Variants in DHRS3 observed in about 807,000 individuals in gnomAD.
The protein encoded by DHRS3 is dehydrogenase/reductase 3, also known as short-chain dehydrogenase/reductase 3.
DHRS3 carries 14 observed loss-of-function variants against 27.2 expected under a neutral mutation model. That is an observed-to-expected ratio of 0.52 (90% CI 0.34 to 0.81). DHRS3 has a LOEUF of 0.81. Ranked by LOEUF, DHRS3 falls within the 30% of genes least tolerant of loss-of-function variation. The pLI is 0.01. For synonymous variants in DHRS3, 165 were observed against 175.9 expected, an observed-to-expected ratio of 0.94 and a Z score of 0.49; for missense variants, 322 against 406.2, an observed-to-expected ratio of 0.79 and a Z score of 1.78.
chr1:12,588,380 T>C (rs1464795533), intron 1 of DHRS3, among the ~76,000 whole-genome samples: 1 of 152,226 alleles, frequency 6.6e-6, no homozygotes, highest in African/African-American at 2.4e-5. Flanking sequence ...GTTTACCTTC[T>C]GCATTTAATA....
In DHRS3 at chr1:12,578,633, G is replaced by A. The variant is rs1646612840; in HGVS notation, c.698+85C>T. 34 of 1,368,570 alleles carry A rather than the reference G, an allele frequency of 2.5e-5. No homozygotes were observed. Among genetic ancestry groups the A allele is most frequent in the Non-Finnish European group, 3.5e-5 (34 of 966,898 alleles). The allele number at this position is 1,368,570 out of a possible 1,614,324, so 84.8% of individuals were successfully genotyped here. On this transcript the variant is annotated intron_variant, in intron 4 of 5. Transcript: ENST00000616661. The surrounding 1 kb of genome is among the most constrained non-coding windows in gnomAD (Gnocchi z 4.5). Reference sequence around the variant, plus strand: ...CGTGCCTAGCCCGATTTTTATATCAGAGCTCTTTCTGCAGTTGGCTGACTG... The same window carrying A: ...CGTGCCTAGCCCGATTTTTATATCAAAGCTCTTTCTGCAGTTGGCTGACTG...
Position 12,588,680 on chromosome 1 carries a change from G to A in DHRS3, c.196-8014C>T, listed in dbSNP as rs186539490. Among the ~76,000 whole-genome samples, 668 of 152,342 alleles carry A rather than the reference G, an allele frequency of 4.4e-3. 4 individuals are homozygous for A. Among genetic ancestry groups the A allele is most frequent in the African/African-American group, 0.015 (636 of 41,580 alleles). On this transcript the variant is annotated intron_variant, in intron 1 of 5. Transcript: ENST00000616661. ...AAGACACCAGCCCCAGGAGGATACC[G>A]AGTGCCCCTTCTCTACCCAGCCTTG... is the stretch of plus-strand genomic sequence containing the variant.
intron 1 of DHRS3, chr1:12,616,574 T>C (rs1646945849): frequency 1.0e-6 from 1 of 986,294 alleles, no homozygotes; most frequent in South Asian, 4.7e-5. Context: ...GCCTCCTCTT[T>C]CCTGCTTTCC....
chr1:12,579,484 G>T, intron 2 of DHRS3, 72 bp from the exon 3 acceptor site: 2 of 1,559,490 alleles, frequency 1.3e-6, no homozygotes, highest in Middle Eastern at 3.5e-4. Flanking sequence ...TTTTTTGTTT[G>T]TTTGTTTTTG....
At chr1:12,579,078 G>C in intron 3 of DHRS3, 122 bp from the exon 4 acceptor site, 1 of 1,239,134 alleles carries the variant, frequency 8.1e-7, no homozygotes. Context: ...GCCTTCCTGC[G>C]AGGGAGAGGG....
chr1:12,580,006 C>T lies in DHRS3; in HGVS notation c.339+517G>A, dbSNP rs561690636. 3.6e-5 allele frequency: 7 copies of T among 193,474 alleles called. No individual in the cohort carries two copies. In the South Asian group the frequency reaches 6.1e-4, roughly 17 times the overall value. 12.0% of individuals were successfully genotyped at this position (193,474 alleles called of 1,614,324 possible). A position where few individuals can be genotyped will look rare whatever the true frequency, so the allele number is the denominator to read the frequency against. ...TGGGGAAGAGAACTGCGTCTCTGAG[C>T]GCCAGTCTTGATTTGTGAGATGGGG... is the stretch of plus-strand genomic sequence containing the variant. On this transcript the variant is annotated intron_variant, in intron 2 of 5. Transcript: ENST00000616661.
intron 5 of DHRS3, among the ~76,000 whole-genome samples, chr1:12,572,317 A>G (rs555948398): frequency 2.0e-5 from 3 of 152,252 alleles, no homozygotes; most frequent in East Asian, 1.9e-4. Flanking sequence ...ACAGGCGCCC[A>G]CCACCATGCC....
At chr1:12,569,309 TCAGAG>T in intron 5 of DHRS3, among the ~76,000 whole-genome samples, 1 of 150,214 alleles carries the variant, frequency 6.7e-6, no homozygotes, top group South Asian at 2.1e-4. Flanking sequence ...GAGTGAGTGG[TCAGAG>T]CAAACTTTTT....
intron 3 of DHRS3, 68 bp from the exon 4 acceptor site, chr1:12,579,024 G>A: frequency 6.9e-7 from 1 of 1,446,978 alleles, no homozygotes; most frequent in Non-Finnish European, 9.5e-7. Context: ...TTTCTTTCGG[G>A]GAGAACAGCC....
rs767274010 is a variant in DHRS3 at position 12,578,808 on chromosome 1, G to A, written c.608C>T (p.Thr203Ile). ...TCCCGGACAGTCCAGCAGCCCCAGG[G>A]TCAGGCTCTCCATGAAGGCGAAGGC... is the stretch of plus-strand genomic sequence containing the variant. Reference protein sequence around the residue: ...ASAFAFMESLTLGLLDCPGVS... With the variant: ...ASAFAFMESLILGLLDCPGVS... The change falls in exon 4 of 6, where the codon ACC becomes ATC. Residue 203 changes from threonine to isoleucine, a missense_variant. Transcript: ENST00000616661. This position sits in a 1 kb window ranked among gnomAD's most constrained non-coding sequence, Gnocchi z 4.5. The A allele has an allele frequency of 3.1e-6, 5 of 1,613,942 alleles. No individual in the cohort carries two copies. The African/African-American group carries it at 6.7e-5, about 22-fold the overall frequency.
Position 12,593,556 on chromosome 1 carries a change from A to G in DHRS3, c.196-12890T>C, listed in dbSNP as rs1646764040. Among the ~76,000 whole-genome samples the G allele has an allele frequency of 6.6e-6, 1 of 152,064 alleles. No homozygotes were observed. Among genetic ancestry groups the G allele is most frequent in the Non-Finnish European group, 1.5e-5 (1 of 68,018 alleles). ...CTCTTTACCCAAGAGGTCTTCATGT[A>G]AAATGCCCCAACCCCACAAACACCA... On this transcript the variant is annotated intron_variant, in intron 1 of 5. Coordinates refer to ENST00000616661, the MANE Select transcript of DHRS3 (RefSeq NM_004753.7). This position sits in a 1 kb window ranked among gnomAD's most constrained non-coding sequence, Gnocchi z 4.6.
At chr1:12,575,696 T>TATA (rs201741964) in intron 4 of DHRS3, among the ~76,000 whole-genome samples, 1 of 138,350 alleles carries the variant, frequency 7.2e-6, no homozygotes, top group African/African-American at 2.5e-5. Context: ...AAGGGGATAC[T>TATA]ATTATTATTA....
chr1:12,573,297 G>C (rs1376683444), intron 4 of DHRS3, among the ~76,000 whole-genome samples: 1 of 152,182 alleles, frequency 6.6e-6, no homozygotes, highest in African/African-American at 2.4e-5. Flanking sequence ...TCTCCTCCCA[G>C]CTCCTCCTTT....
chr1:12,606,130 C>CT (rs987432996), intron 1 of DHRS3, among the ~76,000 whole-genome samples: 1 of 98,634 alleles, frequency 1.0e-5, no homozygotes, highest in Non-Finnish European at 2.0e-5. Flanking sequence ...GAGTGAGACT[C>CT]TGTCTCAAAA....
chr1:12,602,536 C>T (rs1053179028), intron 1 of DHRS3, among the ~76,000 whole-genome samples: 1 of 152,196 alleles, frequency 6.6e-6, no homozygotes, highest in Non-Finnish European at 1.5e-5. Flanking sequence ...CCTTTTTTCT[C>T]TGATGTCCTG....
At chr1:12,581,295 C>T (rs1350115410) in intron 1 of DHRS3, among the ~76,000 whole-genome samples, 2 of 152,200 alleles carry the variant, frequency 1.3e-5, no homozygotes, top group African/African-American at 2.4e-5. Context: ...GTAGAGGCAA[C>T]AGCAGAGCTC....
At chr1:12,597,369 G>A (rs938601239) in intron 1 of DHRS3, among the ~76,000 whole-genome samples, 4 of 152,178 alleles carry the variant, frequency 2.6e-5, no homozygotes, top group Non-Finnish European at 5.9e-5. Context: ...GAGCCATGGC[G>A]CCCGGCCTGA....
intron 1 of DHRS3, among the ~76,000 whole-genome samples, chr1:12,589,938 C>T (rs987291997): frequency 6.6e-5 from 10 of 152,030 alleles, no homozygotes; most frequent in Admixed American, 5.2e-4. Context: ...AACAGTTGCC[C>T]GGAAGACCCC....
At chr1:12,589,332 T>C (rs547651702) in intron 1 of DHRS3, among the ~76,000 whole-genome samples, 22 of 152,256 alleles carry the variant, frequency 1.4e-4, no homozygotes, top group African/African-American at 4.8e-4. Flanking sequence ...ATTAACATGA[T>C]CTTAACCTCT....
Sources: gnomAD v4.1 joint callset for allele counts (sites outside exome capture counted in the v4.1 genomes callset) on GRCh38, gnomAD v4.1.1 for gene constraint, Gnocchi (gnomAD v3.1) non-coding constraint, MANE v1.5 for transcripts, NCBI Gene and HGNC (gene_info 2026-07-23, HGNC 2026-07-21) for gene names.